The following PGAP6 variants were observed in gnomAD, a reference collection of about 807,000 sequenced individuals.
PGAP6 encodes the protein post-GPI attachment to proteins factor 6.
PGAP6 carries 62 observed loss-of-function variants against 68.4 expected under a neutral mutation model. The ratio of observed to expected loss-of-function variants is 0.91; its 90% confidence interval spans 0.74 to 1.12. The LOEUF is 1.12. PGAP6 is among the 50% of genes most tolerant of loss of function. PGAP6 has a pLI of 0.00. For synonymous variants in PGAP6, 575 were observed against 474.0 expected (o/e 1.21, Z -2.77); for missense variants, 1,188 against 1,068.5 (o/e 1.11, Z -1.56).
chr16:372,368 C>T, intron 12 of PGAP6, 85 bp from the exon 13 acceptor site: 2 of 1,433,030 alleles, frequency 1.4e-6, no homozygotes, highest in South Asian at 2.6e-5. Flanking sequence ...TTACTGGGGG[C>T]CTGCCCAGGT....
chr16:377,053 G>A lies in PGAP6; in HGVS notation c.619C>T (p.His207Tyr), dbSNP rs62030797. The change falls in exon 4 of 13, where the codon CAT (histidine) becomes TAT (tyrosine). Residue 207 changes from histidine to tyrosine, a missense_variant. His to Tyr is a moderately conservative substitution (Grantham distance 83). Transcript: ENST00000431232. Reference sequence around the variant, plus strand: ...CCCGCTCACTTGAGGTAGCTGGGATGGGAGAGGAGGGTCTGAGGAAGGGGC... The same window carrying A: ...CCCGCTCACTTGAGGTAGCTGGGATAGGAGAGGAGGGTCTGAGGAAGGGGC... ...DVPLPQTLLS[H>Y]PSYLKVFVPD... 1 of 1,613,008 alleles carries A rather than the reference G, an allele frequency of 6.2e-7. No homozygotes were observed. Among genetic ancestry groups the A allele is most frequent in the Non-Finnish European group, 8.5e-7 (1 of 1,179,930 alleles).
At chr16:385,655 C>G (rs1482525516), upstream of PGAP6, among the ~76,000 whole-genome samples, 1 of 97,868 alleles carries the variant, frequency 1.0e-5, no homozygotes, top group Non-Finnish European at 1.9e-5. Context: ...GATGGAATCT[C>G]GCTCTGTCGC....
At chr16:373,887 G>A in intron 11 of PGAP6, 118 bp downstream of exon 11, 3 of 1,298,744 alleles carry the variant, frequency 2.3e-6, no homozygotes, top group Non-Finnish European at 3.1e-6. Context: ...GAGATGTGAG[G>A]TTTCCAGGGG....
At chr16:380,368 C>A (rs1015953071) in intron 1 of PGAP6, among the ~76,000 whole-genome samples, 2 of 148,578 alleles carry the variant, frequency 1.3e-5, no homozygotes, top group East Asian at 1.9e-4. Flanking sequence ...TTCTTTCTGT[C>A]TTTCTTTTTT....
Position 370,873 on chromosome 16 carries a change from G to C in PGAP6, c.*1114C>G, listed in dbSNP as rs55938006. 2 of 152,446 alleles carry C rather than the reference G, an allele frequency of 1.3e-5. No individual in the cohort carries two copies. Among genetic ancestry groups the C allele is most frequent in the South Asian group, 2.1e-4 (1 of 4,846 alleles). 9.4% of individuals were successfully genotyped at this position (152,446 alleles called of 1,614,324 possible). On this transcript the variant is annotated 3_prime_UTR_variant, in exon 13 of 13. Transcript: ENST00000431232. The stretch of plus-strand genomic sequence containing the variant: ...CATAAAAATATGTCTTAATATCTTA[G>C]AATTTTCCTTTACTCCAAAAAACCC...
upstream of PGAP6, among the ~76,000 whole-genome samples, chr16:384,020 G>C (rs1242811636): frequency 6.6e-6 from 1 of 152,238 alleles, no homozygotes; most frequent in Non-Finnish European, 1.5e-5. Flanking sequence ...TGAGGGGAAA[G>C]GGGGGCTCCC....
chr16:382,102 G>T, upstream of PGAP6: 1 of 358,486 alleles, frequency 2.8e-6, no homozygotes, highest in Non-Finnish European at 4.9e-6. Flanking sequence ...GGGGGGAGGG[G>T]TCACGTGGGG....
intron 1 of PGAP6, among the ~76,000 whole-genome samples, chr16:381,434 G>A (rs1303109595): frequency 6.6e-6 from 1 of 151,986 alleles, no homozygotes; most frequent in Admixed American, 6.5e-5. Flanking sequence ...CGCTCTGGGA[G>A]GAGGAGGGAG....
intron 1 of PGAP6, among the ~76,000 whole-genome samples, chr16:381,414 C>G (rs866867082): frequency 5.3e-5 from 8 of 151,838 alleles, no homozygotes; most frequent in African/African-American, 1.9e-4. Flanking sequence ...CCGGGCGCGC[C>G]GGACCTGGGC....
chr16:374,022 T>C lies in PGAP6; in HGVS notation c.1885A>G (p.Lys629Glu), dbSNP rs917141691. The C allele has an allele frequency of 1.9e-6, 3 of 1,610,960 alleles. No homozygotes were observed. The highest frequency in any genetic ancestry group is 2.5e-6 in the Non-Finnish European group (3 of 1,179,790). Residue 629 changes from lysine to glutamate, a missense_variant, in exon 11 of 13, where the codon AAG becomes GAG. Transcript: ENST00000431232. ...WVTILCMARL[K>E]TVLKYVLFLL... ...CCACTCACGTATTTCAGGACTGTCTTGAGCCGTGCCATGCACAGGATGGTG... is the reference window on the plus strand; with the variant it reads ...CCACTCACGTATTTCAGGACTGTCTCGAGCCGTGCCATGCACAGGATGGTG...
At chr16:379,822 A>C (rs1352907632) in intron 1 of PGAP6, among the ~76,000 whole-genome samples, 1 of 152,102 alleles carries the variant, frequency 6.6e-6, no homozygotes, top group Non-Finnish European at 1.5e-5. Context: ...TCCCTGCCCA[A>C]GTTGCCCACA....
intron 1 of PGAP6, among the ~76,000 whole-genome samples, chr16:379,776 C>T (rs1021831784): frequency 5.9e-5 from 9 of 152,064 alleles, no homozygotes; most frequent in Admixed American, 4.6e-4. Context: ...GGCTCACAGC[C>T]CCTCCAGGCC....
In PGAP6 at chr16:376,151, G is replaced by A. The variant is rs1479850274; in HGVS notation, c.1209C>T (p.Ser403=). The change falls in exon 6 of 13, where the codon TCC becomes TCT. Residue 403 remains serine (S), a synonymous_variant. Transcript: ENST00000431232. ...CAGCAGGTACCTTGTTGGCCCGCAG[G>A]GAGATGGTGAGGGAACCCCCGCTGT... ...GMDSGGSLTI[S]LRANKTEMRN... 6.2e-7 allele frequency: 1 copy of A among 1,604,816 alleles called. No homozygotes were observed. The highest frequency in any genetic ancestry group is 1.3e-5 in the African/African-American group (1 of 74,930).
rs764545122 is a variant in PGAP6 at position 374,097 on chromosome 16, C to T, written c.1810G>A (p.Asp604Asn). The stretch of plus-strand genomic sequence containing the variant: ...AAGAAGTCGCAGTACTGCAGCGTGT[C>T]GTAGCTGAGGATGCACAGCACCGCC... ...GEAVLCILSY[D>N]TLQYCDFLGS... Residue 604 changes from aspartate (D) to asparagine (N), a missense_variant, in exon 11 of 13, where the codon GAC (aspartate) becomes AAC (asparagine). Asp to Asn is a conservative substitution (Grantham distance 23). Transcript: ENST00000431232. The T allele has an allele frequency of 1.2e-5, 19 of 1,611,772 alleles. No individual in the cohort carries two copies. Among genetic ancestry groups the T allele is most frequent in the Admixed American group, 1.7e-5 (1 of 59,996 alleles).
chr16:377,710 C>T lies in PGAP6; in HGVS notation c.260G>A (p.Arg87Gln), dbSNP rs772530602. The T allele has an allele frequency of 8.8e-6, 14 of 1,594,830 alleles. No homozygotes were observed. Among genetic ancestry groups the T allele is most frequent in the Non-Finnish European group, 1.1e-5 (13 of 1,171,732 alleles). Residue 87 changes from arginine (R) to glutamine (Q), a missense_variant, in exon 2 of 13, where the codon CGG becomes CAG. Physicochemically the swap from Arg to Gln is conservative, Grantham distance 43 (BLOSUM62 1). Coordinates refer to ENST00000431232, the MANE Select transcript of PGAP6 (RefSeq NM_021259.3). ...VLLRWLLQVS[R>Q]ESGAACTDAE... ...GTCGGTGCAGGCAGCGCCGCTCTCCCGGGAGACCTGCAGGAGCCAGCGTAG... is the reference window on the plus strand; with the variant it reads ...GTCGGTGCAGGCAGCGCCGCTCTCCTGGGAGACCTGCAGGAGCCAGCGTAG...
chr16:375,028 C>G, intron 8 of PGAP6, 105 bp downstream of exon 8: 2 of 1,575,696 alleles, frequency 1.3e-6, no homozygotes, highest in South Asian at 2.4e-5. Flanking sequence ...AGGAAGCACC[C>G]CTCTAGCTGG....
chr16:379,136 G>A (rs1301632311), intron 1 of PGAP6, among the ~76,000 whole-genome samples: 1 of 152,166 alleles, frequency 6.6e-6, no homozygotes, highest in Non-Finnish European at 1.5e-5. Context: ...AAGCACAGTG[G>A]ACACAGCAGG....
At chr16:376,956 GC>G (rs2054389917) in intron 4 of PGAP6, 80 bp downstream of exon 4, 1 of 1,580,214 alleles carries the variant, frequency 6.3e-7, no homozygotes, top group African/African-American at 1.3e-5. Flanking sequence ...AGGACTCAGG[GC>G]CAGGCTCTCG....
In PGAP6 at chr16:376,169, C is replaced by G. The variant is rs764165866; in HGVS notation, c.1191G>C (p.Gly397=). Residue 397 remains glycine (G), a synonymous_variant, in exon 6 of 13, where the codon GGG becomes GGC. Transcript: ENST00000431232. The stretch of plus-strand genomic sequence containing the variant: ...CCCGCAGGGAGATGGTGAGGGAACC[C>G]CCGCTGTCCATGCCGGTGTTCAGGC... ...RLRLNTGMDS[G]GSLTISLRAN... The G allele has an allele frequency of 2.2e-5, 36 of 1,609,588 alleles. No individual in the cohort carries two copies. Among genetic ancestry groups the G allele is most frequent in the Non-Finnish European group, 3.0e-5 (35 of 1,177,906 alleles).
Sources: gnomAD v4.1 joint callset for allele counts (sites outside exome capture counted in the v4.1 genomes callset) on GRCh38, gnomAD v4.1.1 for gene constraint, MANE v1.5 for transcripts, NCBI Gene and HGNC (gene_info 2026-07-23, HGNC 2026-07-21) for gene names.